PPT1: variants seen among roughly 807,000 people sequenced by gnomAD.
The protein encoded by PPT1 is palmitoyl-protein thioesterase 1.
PPT1 carries 24 observed loss-of-function variants against 44.0 expected under a neutral mutation model. The observed-to-expected ratio is 0.54, with a 90% confidence interval of 0.39 to 0.77. PPT1 has a LOEUF of 0.77. PPT1 is among the 30% of genes least tolerant of loss of function. The pLI is 0.00. For missense variants in PPT1, 341 were observed against 378.8 expected (o/e 0.90, Z 0.83); for synonymous variants, 148 against 140.2 (o/e 1.06, Z -0.39).
intron 5 of PPT1, among the ~76,000 whole-genome samples, chr1:40,083,482 G>T (rs957393814): frequency 6.6e-6 from 1 of 152,020 alleles, no homozygotes; most frequent in Admixed American, 6.6e-5. Flanking sequence ...ATTAAAAAAA[G>T]TTTAAAAACA....
At chr1:40,078,119 G>A (rs866959593) in intron 7 of PPT1, among the ~76,000 whole-genome samples, 1 of 152,156 alleles carries the variant, frequency 6.6e-6, no homozygotes, top group South Asian at 2.1e-4. Context: ...GTGAAGAACT[G>A]TTTTATACAA....
At chr1:40,079,279 A>G (rs1469335828) in intron 6 of PPT1, among the ~76,000 whole-genome samples, 1 of 151,406 alleles carries the variant, frequency 6.6e-6, no homozygotes, top group East Asian at 1.9e-4. Flanking sequence ...TGTCTTTGCT[A>G]TGGTGAACAG....
At chr1:40,084,529 T>C (rs1202020986) in intron 5 of PPT1, among the ~76,000 whole-genome samples, 1 of 152,136 alleles carries the variant, frequency 6.6e-6, no homozygotes, top group African/African-American at 2.4e-5. Context: ...TGATACAAAG[T>C]TCATCATTGT....
chr1:40,076,008 G>C (rs1648609203), intron 8 of PPT1, among the ~76,000 whole-genome samples: 1 of 139,334 alleles, frequency 7.2e-6, no homozygotes, highest in South Asian at 2.3e-4. Flanking sequence ...AAGTGTAGAA[G>C]GCCCCAGAAC....
chr1:40,078,276 C>A (rs980290355), intron 7 of PPT1, among the ~76,000 whole-genome samples: 1 of 152,236 alleles, frequency 6.6e-6, no homozygotes, highest in South Asian at 2.1e-4. Context: ...TGGCTCACTG[C>A]AAGCTCTGCC....
intron 4 of PPT1, among the ~76,000 whole-genome samples, chr1:40,090,479 CAT>C (rs1491433750): frequency 1.1e-4 from 16 of 151,960 alleles, no homozygotes; most frequent in East Asian, 1.9e-4. Flanking sequence ...TATATGTGCA[CAT>C]GTGTGTGTGT....
At chr1:40,076,727 T>C in intron 8 of PPT1, 115 bp downstream of exon 8, 1 of 1,587,654 alleles carries the variant, frequency 6.3e-7, no homozygotes, top group Non-Finnish European at 8.6e-7. Flanking sequence ...GTTTCAGGAG[T>C]ACCTAGTGCT....
In PPT1 at chr1:40,091,359, T is replaced by G; in HGVS notation, c.403A>C (p.Asn135His). Residue 135 changes from asparagine (N) to histidine (H), a missense_variant, in exon 4 of 9, where the codon AAT (asparagine) becomes CAT (histidine). Asn to His is a moderately conservative substitution (Grantham distance 68). Coordinates refer to ENST00000642050, the MANE Select transcript of PPT1 (RefSeq NM_000310.4). ...TGTTGTCCCCCAACCGAGATCAGAT[T>G]GATCATGGGAGGTGAAGGGCATCTC... Reference protein sequence around the residue: ...AQRCPSPPMINLISVGGQHQG... With the variant: ...AQRCPSPPMIHLISVGGQHQG... The G allele has an allele frequency of 6.2e-7, 1 of 1,613,928 alleles. No homozygotes were observed. Among genetic ancestry groups the G allele is most frequent in the Non-Finnish European group, 8.5e-7 (1 of 1,179,960 alleles).
downstream of PPT1, chr1:40,072,279 G>T (rs1282849577): frequency 7.9e-6 from 3 of 378,454 alleles, no homozygotes; most frequent in Non-Finnish European, 1.4e-5. Flanking sequence ...AAACCCACAT[G>T]ATTTCAAGGA....
chr1:40,089,286 C>CAAAAA (rs10522229), intron 5 of PPT1, 124 bp downstream of exon 5: 26 of 377,430 alleles, frequency 6.9e-5, no homozygotes, highest in Middle Eastern at 7.2e-4. Context: ...AACTCCATCT[C>CAAAAA]AAAAAAAAAG....
chr1:40,079,747 G>A (rs913930541), intron 6 of PPT1, among the ~76,000 whole-genome samples: 5 of 152,142 alleles, frequency 3.3e-5, no homozygotes, highest in African/African-American at 1.2e-4. Context: ...ACTGAGCATG[G>A]CATACAGGTA....
At chr1:40,089,192 A>G (rs796962204) in intron 5 of PPT1, among the ~76,000 whole-genome samples, 11 of 148,962 alleles carry the variant, frequency 7.4e-5, no homozygotes, top group African/African-American at 2.5e-4. Flanking sequence ...AGGCGGAGGC[A>G]GGAGACTCGC....
chr1:40,074,260 G>A (rs1648454672), intron 8 of PPT1, 77 bp from the exon 9 acceptor site: 9 of 1,568,864 alleles, frequency 5.7e-6, no homozygotes, highest in South Asian at 2.2e-5. Flanking sequence ...GTTAACTTGA[G>A]ATATATTTTC....
At chr1:40,080,233 A>G (rs553274607) in intron 6 of PPT1, among the ~76,000 whole-genome samples, 164 bp downstream of exon 6, 9 of 152,198 alleles carry the variant, frequency 5.9e-5, no homozygotes, top group Non-Finnish European at 1.0e-4. Context: ...AACCTCCCTA[A>G]AGGGAACTGA....
intron 1 of PPT1, among the ~76,000 whole-genome samples, chr1:40,096,148 C>T (rs1168220807): frequency 7.0e-6 from 1 of 143,448 alleles, no homozygotes; most frequent in African/African-American, 2.7e-5. Flanking sequence ...TCAGATGTCA[C>T]TTTTTCAATG....
chr1:40,094,644 G>C (rs974977520), intron 1 of PPT1, among the ~76,000 whole-genome samples: 2 of 152,156 alleles, frequency 1.3e-5, no homozygotes, highest in African/African-American at 4.8e-5. Context: ...CTAGAACTAG[G>C]AACAGGAAGC....
Position 40,085,874 on chromosome 1 carries a change from G to A in PPT1, c.536+3536C>T, listed in dbSNP as rs138081187. 1.0e-3 allele frequency among the ~76,000 whole-genome samples: 156 copies of A among 152,282 alleles called. 1 individual carries two copies. Among genetic ancestry groups the A allele is most frequent in the African/African-American group, 3.7e-3 (153 of 41,554 alleles). Reference sequence around the variant, plus strand: ...CTAGAACCAAATCCTCAGTTTCTCTGAGGTATGCCTGTAGTTCGTTACATT... The same window carrying A: ...CTAGAACCAAATCCTCAGTTTCTCTAAGGTATGCCTGTAGTTCGTTACATT... On this transcript the variant is annotated intron_variant, in intron 5 of 8. Coordinates refer to ENST00000642050, the MANE Select transcript of PPT1 (RefSeq NM_000310.4).
At chr1:40,086,502 C>T (rs1451242851) in intron 5 of PPT1, among the ~76,000 whole-genome samples, 1 of 152,168 alleles carries the variant, frequency 6.6e-6, no homozygotes, top group African/African-American at 2.4e-5. Flanking sequence ...GTCTCTGCCT[C>T]TCTTGCACTC....
chr1:40,097,172 C>T lies in PPT1; in HGVS notation c.67G>A (p.Ala23Thr), dbSNP rs749769486. The T allele has an allele frequency of 6.2e-7, 1 of 1,614,018 alleles. No individual in the cohort carries two copies. The highest frequency in any genetic ancestry group is 1.3e-5 in the African/African-American group (1 of 74,934). Residue 23 changes from alanine to threonine, a missense_variant, in exon 1 of 9, where the codon GCG (alanine) becomes ACG (threonine). Ala to Thr is a moderately conservative substitution (Grantham distance 58, BLOSUM62 0). Transcript: ENST00000642050. ...GCCGGCGGGTCCAGATGCTGCAGCG[C>T]CCGAGAAGCGCAGGTCCATGGCAGG... ...ALLPWTCASR[A>T]LQHLDPPAPL...
Sources: gnomAD v4.1 joint callset for allele counts (sites outside exome capture counted in the v4.1 genomes callset) on GRCh38, gnomAD v4.1.1 for gene constraint, MANE v1.5 for transcripts, NCBI Gene and HGNC (gene_info 2026-07-23, HGNC 2026-07-21) for gene names.